SUMF1: variants seen among roughly 807,000 people sequenced by gnomAD.
The protein encoded by SUMF1 is formylglycine-generating enzyme.
Under a neutral mutation model 47.6 loss-of-function variants are expected in SUMF1, and 48 were observed. That is an observed-to-expected ratio of 1.01 (90% confidence interval 0.80 to 1.28). SUMF1 has a LOEUF of 1.28. Ranked by LOEUF, SUMF1 falls within the 50% of genes most tolerant of loss-of-function variation. The pLI is 0.00. For synonymous variants in SUMF1, 230 were observed against 192.1 expected (o/e 1.20, Z -1.63); for missense variants, 571 against 485.4 (o/e 1.18, Z -1.66).
chr3:4,163,385 AGGGAGGGAGGGAGG>A (rs1694625966), intron 8 of SUMF1, among the ~76,000 whole-genome samples: 3 of 30,048 alleles, frequency 1.0e-4, no homozygotes, highest in African/African-American at 2.4e-4. Context: ...GAAGGAAGGG[AGGGAGGGAGGGAGG>A]GAGGGAGGGA....
intron 8 of SUMF1, among the ~76,000 whole-genome samples, chr3:4,263,922 G>A (rs1697137226): frequency 6.6e-6 from 1 of 151,924 alleles, no homozygotes; most frequent in South Asian, 2.1e-4. Context: ...AGTGACAGAG[G>A]GCCCAAAGAT....
intron 8 of SUMF1, among the ~76,000 whole-genome samples, chr3:4,151,423 G>GTATATATGTATATGTATATATGTA (rs1559514116): frequency 4.1e-5 from 6 of 144,710 alleles, no homozygotes; most frequent in Admixed American, 6.9e-5. Context: ...GTATATATGT[G>GTATATATGTATATGTATATATGTA]TATACATGTG....
chr3:4,406,001 T>C (rs888585893), intron 7 of SUMF1, among the ~76,000 whole-genome samples: 4 of 152,132 alleles, frequency 2.6e-5, no homozygotes, highest in African/African-American at 9.7e-5. Context: ...TTTATAAATA[T>C]TGTTTTCTTT....
At chr3:4,186,339 T>G (rs1479285517) in intron 8 of SUMF1, among the ~76,000 whole-genome samples, 1 of 152,136 alleles carries the variant, frequency 6.6e-6, no homozygotes. Context: ...ACTCCACCCA[T>G]GTCGGTTGCT....
intron 8 of SUMF1, among the ~76,000 whole-genome samples, chr3:4,183,042 A>G (rs907763553): frequency 6.6e-6 from 1 of 152,132 alleles, no homozygotes; most frequent in African/African-American, 2.4e-5. Flanking sequence ...CTATCGGCCA[A>G]CTGGGAATAA....
At chr3:4,172,777 T>C (rs1423892190) in intron 8 of SUMF1, among the ~76,000 whole-genome samples, 2 of 152,138 alleles carry the variant, frequency 1.3e-5, no homozygotes, top group Non-Finnish European at 2.9e-5. Context: ...GTCAGATTGA[T>C]AGATTTCAAA....
intron 8 of SUMF1, among the ~76,000 whole-genome samples, chr3:4,131,241 TG>T (rs529150641): frequency 5.9e-5 from 9 of 152,278 alleles, no homozygotes; most frequent in African/African-American, 1.9e-4. Flanking sequence ...TATTCATGAC[TG>T]GGCTAGAGCA....
chr3:4,373,023 T>C (rs1157702983), intron 8 of SUMF1, among the ~76,000 whole-genome samples: 1 of 152,214 alleles, frequency 6.6e-6, no homozygotes, highest in Non-Finnish European at 1.5e-5. Context: ...TCTTCTAAAA[T>C]GTTATCCCCA....
At chr3:4,444,695 G>A (rs1702720477) in intron 3 of SUMF1, among the ~76,000 whole-genome samples, 1 of 152,146 alleles carries the variant, frequency 6.6e-6, no homozygotes, top group African/African-American at 2.4e-5. Flanking sequence ...GGAGATAGAT[G>A]TAATACAGAA....
At chr3:4,210,584 C>G (rs928249150) in intron 8 of SUMF1, among the ~76,000 whole-genome samples, 1 of 152,100 alleles carries the variant, frequency 6.6e-6, no homozygotes, top group Admixed American at 6.5e-5. Context: ...AAAGAGGAAC[C>G]TTGACTCTTA....
At chr3:4,050,618 C>T (rs184322389) in intron 9 of SUMF1, among the ~76,000 whole-genome samples, 188 of 151,480 alleles carry the variant, frequency 1.2e-3, no homozygotes, top group African/African-American at 4.2e-3. Flanking sequence ...TGGCACACAC[C>T]TGTACTGCCA....
At chr3:4,429,471 G>C (rs1451640590) in intron 3 of SUMF1, among the ~76,000 whole-genome samples, 1 of 152,112 alleles carries the variant, frequency 6.6e-6, no homozygotes, top group Non-Finnish European at 1.5e-5. Flanking sequence ...TGAGAAGAGA[G>C]GTCAAAGAGA....
intron 8 of SUMF1, among the ~76,000 whole-genome samples, chr3:4,229,871 G>A (rs1003429177): frequency 6.6e-6 from 1 of 151,862 alleles, no homozygotes; most frequent in African/African-American, 2.4e-5. Context: ...TAATTAGCTG[G>A]GCAAGGTGGC....
At chr3:4,256,524 G>C (rs1455792552) in intron 8 of SUMF1, among the ~76,000 whole-genome samples, 1 of 145,490 alleles carries the variant, frequency 6.9e-6, no homozygotes, top group African/African-American at 2.5e-5. Context: ...AGAAGAAATG[G>C]ATAAATTCCT....
At chr3:4,218,306 TA>T (rs1307299210) in intron 8 of SUMF1, among the ~76,000 whole-genome samples, 4 of 151,926 alleles carry the variant, frequency 2.6e-5, no homozygotes, top group Admixed American at 6.6e-5. Flanking sequence ...TAATATGTAA[TA>T]AAAAAATGAA....
chr3:4,154,322 G>A (rs1279293630), intron 8 of SUMF1, among the ~76,000 whole-genome samples: 1 of 151,404 alleles, frequency 6.6e-6, no homozygotes, highest in Admixed American at 6.6e-5. Flanking sequence ...ACCTCACCAG[G>A]AACCCACTAG....
chr3:4,295,571 G>A lies in SUMF1; in HGVS notation c.1014+80759C>T, dbSNP rs116499468. 1.8e-3 allele frequency among the ~76,000 whole-genome samples: 274 copies of A among 152,178 alleles called. 2 individuals carry two copies. The highest frequency in any genetic ancestry group is 6.3e-3 in the African/African-American group (260 of 41,524). On this transcript the variant is annotated intron_variant and NMD_transcript_variant, in intron 8 of 12. Transcript: ENST00000448413. ...CGAACCGCGGGCTGTGCTTTTCAAG[G>A]TCAAACTGCAAACAAAGCAAGTCTG...
At chr3:4,258,203 C>T (rs1175397416) in intron 8 of SUMF1, among the ~76,000 whole-genome samples, 7 of 149,310 alleles carry the variant, frequency 4.7e-5, no homozygotes, top group Admixed American at 4.6e-4. Flanking sequence ...TAGGCACGGG[C>T]AAGGACTTCA....
chr3:4,088,761 G>T (rs566576966), intron 8 of SUMF1, among the ~76,000 whole-genome samples: 1 of 152,046 alleles, frequency 6.6e-6, no homozygotes, highest in Non-Finnish European at 1.5e-5. Flanking sequence ...TTACTGAAGA[G>T]AATTTAAGAT....
Sources: allele counts gnomAD v4.1 joint callset (sites outside exome capture counted in the v4.1 genomes callset), GRCh38; gene constraint gnomAD v4.1.1; transcripts MANE v1.5; gene names NCBI Gene and HGNC (gene_info 2026-07-23, HGNC 2026-07-21).